NECTIN3: variants seen among roughly 807,000 people sequenced by gnomAD.
The protein encoded by NECTIN3 is nectin-3.
In NECTIN3, 8 loss-of-function variants were observed where a neutral mutation model predicts 49.4. That is an observed-to-expected ratio of 0.16 (90% CI 0.10 to 0.29). The LOEUF (loss-of-function observed/expected upper bound fraction) is 0.29, where lower values mean the gene tolerates loss of function less well. Ranked by LOEUF, NECTIN3 falls within the 10% of genes least tolerant of loss-of-function variation. NECTIN3 has a pLI of 1.00. For missense variants in NECTIN3, 581 were observed against 654.6 expected, an observed-to-expected ratio of 0.89 and a Z score of 1.23; for synonymous variants, 277 against 241.1, an observed-to-expected ratio of 1.15 and a Z score of -1.38.
intron 1 of NECTIN3, among the ~76,000 whole-genome samples, chr3:111,096,503 A>T (rs1162234333): frequency 6.6e-6 from 1 of 152,196 alleles, no homozygotes; most frequent in Non-Finnish European, 1.5e-5. Context: ...GTTAATCATC[A>T]AGACAATGGG....
chr3:111,193,321 A>G (rs1320989322), intron 1 of NECTIN3: 4 of 1,535,912 alleles, frequency 2.6e-6, no homozygotes, highest in East Asian at 2.4e-5. Context: ...CCTGGCAAAC[A>G]TCATCAAAAT....
chr3:111,139,803 C>T (rs2107503353), downstream of NECTIN3, among the ~76,000 whole-genome samples: 1 of 151,816 alleles, frequency 6.6e-6, no homozygotes, highest in East Asian at 1.9e-4. Context: ...TATACATGTG[C>T]TACTACAGCA....
chr3:111,096,611 G>T (rs1367123366), intron 1 of NECTIN3, among the ~76,000 whole-genome samples: 1 of 152,126 alleles, frequency 6.6e-6, no homozygotes, highest in Non-Finnish European at 1.5e-5. Flanking sequence ...CTTGGGCTGG[G>T]CCCAGGGTCC....
At chr3:111,118,282 A>ATATATATATT (rs1491349818) in intron 2 of NECTIN3, among the ~76,000 whole-genome samples, 1 of 131,674 alleles carries the variant, frequency 7.6e-6, no homozygotes, top group Non-Finnish European at 1.7e-5. Flanking sequence ...ATATATATAT[A>ATATATATATT]TTATACATAT....
intron 5 of NECTIN3, among the ~76,000 whole-genome samples, chr3:111,131,613 A>T (rs1414462164): frequency 6.6e-6 from 1 of 152,002 alleles, no homozygotes; most frequent in African/African-American, 2.4e-5. Context: ...ATAAGATTTT[A>T]AAGTAACCCT....
chr3:111,118,532 A>G, intron 2 of NECTIN3, 124 bp from the exon 3 acceptor site: 1 of 864,142 alleles, frequency 1.2e-6, no homozygotes, highest in Non-Finnish European at 1.7e-6. Flanking sequence ...TTACCTAAAA[A>G]GTGTGTGTAG....
At chr3:111,133,467 A>G (rs34304819) in intron 5 of NECTIN3, among the ~76,000 whole-genome samples, 168 bp from the exon 6 acceptor site, 2 of 152,174 alleles carry the variant, frequency 1.3e-5, no homozygotes, top group African/African-American at 2.4e-5. Context: ...CTTTTTAAAT[A>G]GATGAGTACC....
upstream of NECTIN3, among the ~76,000 whole-genome samples, chr3:111,191,365 G>A (rs188191414): frequency 6.6e-6 from 1 of 152,222 alleles, no homozygotes; most frequent in East Asian, 1.9e-4. Flanking sequence ...AGCACTCTCA[G>A]TCTGGATAAG....
rs1357265440 is a variant in NECTIN3, at chr3:111,136,539, T to G, written c.*2324T>G. 20 of 961,434 alleles carry G rather than the reference T, an allele frequency of 2.1e-5. No individual in the cohort carries two copies. In the South Asian group the frequency reaches 6.7e-4, roughly 32 times the overall value. 59.6% of individuals were successfully genotyped at this position (961,434 alleles called of 1,614,324 possible). ...ATTGCACTGTTGTTTATTAGAACTT[T>G]ATGTATATTTACTGTACATAGAGAC... On this transcript the variant is annotated 3_prime_UTR_variant, in exon 6 of 6. Coordinates refer to ENST00000485303, the MANE Select transcript of NECTIN3 (RefSeq NM_015480.3).
intron 1 of NECTIN3, among the ~76,000 whole-genome samples, chr3:111,080,176 A>G (rs942166510): frequency 9.9e-5 from 15 of 152,102 alleles, no homozygotes; most frequent in African/African-American, 3.6e-4. Flanking sequence ...AAAATTAAGA[A>G]ATTATGTTTG....
chr3:111,170,417 G>A (rs1011403737), intron 7 of NECTIN3, among the ~76,000 whole-genome samples: 2 of 152,094 alleles, frequency 1.3e-5, no homozygotes, highest in African/African-American at 2.4e-5. Context: ...TTCTGTCAGT[G>A]AGGAAACTGA....
chr3:111,147,634 C>A, intron 7 of NECTIN3: 1 of 697,216 alleles, frequency 1.4e-6, no homozygotes, highest in East Asian at 2.8e-5. Flanking sequence ...AGTCATTATG[C>A]ATTAAAGATT....
intron 1 of NECTIN3, among the ~76,000 whole-genome samples, chr3:111,109,495 G>T (rs2033362961): frequency 6.6e-6 from 1 of 151,792 alleles, no homozygotes; most frequent in African/African-American, 2.4e-5. Context: ...TTACTTTTAG[G>T]TCTTCAGTCC....
At chr3:111,144,349 G>A (rs1369336974) in intron 5 of NECTIN3, among the ~76,000 whole-genome samples, 6 of 151,786 alleles carry the variant, frequency 4.0e-5, no homozygotes, top group Non-Finnish European at 2.9e-5. Flanking sequence ...TGAATTAAGG[G>A]AAATTTTGTG....
At position 111,182,120 on chromosome 3, in the gene NECTIN3, T is replaced by G. The variant is rs549715416; in HGVS notation, c.1222-10231T>G. ...GCTTAATTAGTTATTTAGAAGTATA[T>G]TTTACAAACATTTTGAAATTTTCAA... On this transcript the variant is annotated intron_variant, in intron 7 of 8. Coordinates refer to the NECTIN3 transcript ENST00000493615. Among the ~76,000 whole-genome samples, 68 of 152,222 alleles carry G rather than the reference T, an allele frequency of 4.5e-4. 1 individual carries two copies. In the South Asian group the frequency reaches 0.013, roughly 30 times the overall value.
chr3:111,151,715 A>G (rs4682237), intron 7 of NECTIN3, among the ~76,000 whole-genome samples: 4,175 of 152,036 alleles, frequency 0.027, 208 homozygotes, highest in African/African-American at 0.095. Flanking sequence ...ATTTCTTTCC[A>G]ATAATTTACT....
downstream of NECTIN3, among the ~76,000 whole-genome samples, chr3:111,141,485 A>G (rs2034743985): frequency 6.6e-6 from 1 of 151,576 alleles, no homozygotes; most frequent in South Asian, 2.1e-4. Context: ...TATTTATAAT[A>G]TTTTTGTACT....
At chr3:111,090,195 T>C (rs991765706) in intron 1 of NECTIN3, among the ~76,000 whole-genome samples, 4 of 152,170 alleles carry the variant, frequency 2.6e-5, no homozygotes, top group African/African-American at 9.7e-5. Context: ...TACTAGGGTT[T>C]GTCTTTTGTT....
chr3:111,147,565 A>C, intron 7 of NECTIN3: 2 of 1,161,476 alleles, frequency 1.7e-6, no homozygotes, highest in Non-Finnish European at 2.4e-6. Context: ...TTCTTTCAAA[A>C]TGTTGTTTAG....
Sources: gnomAD v4.1 joint callset for allele counts (sites outside exome capture counted in the v4.1 genomes callset) on GRCh38, gnomAD v4.1.1 for gene constraint, MANE v1.5 for transcripts, NCBI Gene and HGNC (gene_info 2026-07-23, HGNC 2026-07-21) for gene names.